DPP6: variants seen among roughly 807,000 people sequenced by gnomAD.
DPP6 encodes dipeptidyl peptidase like 6, also known as A-type potassium channel modulatory protein DPP6.
In DPP6, 69 loss-of-function variants were observed where a neutral mutation model predicts 122.6. That is an observed-to-expected ratio of 0.56 (90% CI 0.46 to 0.69). The LOEUF (loss-of-function observed/expected upper bound fraction) is 0.69. Ranked by LOEUF, DPP6 falls within the 30% of genes least tolerant of loss-of-function variation. DPP6 has a pLI of 0.00. For missense variants in DPP6, 928 were observed against 1,116.9 expected, an observed-to-expected ratio of 0.83 and a Z score of 2.41; for synonymous variants, 418 against 433.1, an observed-to-expected ratio of 0.97 and a Z score of 0.43.
intron 5 of DPP6, among the ~76,000 whole-genome samples, chr7:154,602,957 T>C (rs1386626742): frequency 9.5e-6 from 1 of 105,402 alleles, no homozygotes; most frequent in African/African-American, 2.8e-5. Context: ...CAACTTTTGT[T>C]TATCTGAAGA....
At chr7:154,636,921 C>G (rs896929711) in intron 5 of DPP6, among the ~76,000 whole-genome samples, 12 of 152,244 alleles carry the variant, frequency 7.9e-5, no homozygotes, top group Admixed American at 2.0e-4. Flanking sequence ...AACATTTAGC[C>G]ACATAGGGCA....
intron 1 of DPP6, among the ~76,000 whole-genome samples, chr7:154,295,156 A>T (rs1805456149): frequency 1.3e-5 from 2 of 152,214 alleles, no homozygotes; most frequent in South Asian, 4.1e-4. Context: ...AAACATGAGC[A>T]TTTTAAAACA....
chr7:154,431,823 G>A (rs1211380844), intron 1 of DPP6, among the ~76,000 whole-genome samples: 17 of 152,196 alleles, frequency 1.1e-4, no homozygotes, highest in South Asian at 4.1e-4. Flanking sequence ...GAGAGCCACC[G>A]CACCCAGCCT....
At chr7:153,859,220 G>T in the DPP6 span, among the ~76,000 whole-genome samples, 1 of 152,134 alleles carries the variant, frequency 6.6e-6, no homozygotes, top group Admixed American at 6.5e-5. Context: ...GGCTGGATAA[G>T]ATGGAGAGGG....
At chr7:154,609,352 G>A (rs1357035655) in intron 5 of DPP6, among the ~76,000 whole-genome samples, 3 of 152,200 alleles carry the variant, frequency 2.0e-5, no homozygotes, top group African/African-American at 4.8e-5. Flanking sequence ...CATTTTCAGA[G>A]TATTTTCTAA....
chr7:154,485,949 C>G lies in DPP6; in HGVS notation c.457+10912C>G, dbSNP rs551396064. Among the ~76,000 whole-genome samples, 241 of 146,452 alleles carry G rather than the reference C, an allele frequency of 1.6e-3. 2 individuals are homozygous for G. The highest frequency in any genetic ancestry group is 5.8e-3 in the African/African-American group (230 of 39,884). ...CTAATGCTATCCCTCCCCCCTCCCC[C>G]CACCCCACAACAGTGCTGGAGAGGA... On this transcript the variant is annotated intron_variant, in intron 3 of 25. Coordinates refer to ENST00000377770, the MANE Select transcript of DPP6 (RefSeq NM_130797.4).
At chr7:154,240,571 T>C (rs1369127874) in intron 1 of DPP6, among the ~76,000 whole-genome samples, 6 of 152,224 alleles carry the variant, frequency 3.9e-5, no homozygotes, top group Non-Finnish European at 8.8e-5. Context: ...TGTAAAATCA[T>C]GAACATAGAG....
At chr7:154,063,549 G>T (rs1490748256) in intron 1 of DPP6, among the ~76,000 whole-genome samples, 1 of 125,720 alleles carries the variant, frequency 8.0e-6, no homozygotes, top group African/African-American at 2.9e-5. Flanking sequence ...CGAGGGTGGG[G>T]ACTGAGAGCT....
In DPP6 at chr7:154,675,352, A is replaced by T. The variant is rs1196941880; in HGVS notation, c.762+5911A>T. Among the ~76,000 whole-genome samples, 3 of 152,284 alleles carry T rather than the reference A, an allele frequency of 2.0e-5. No homozygotes were observed. The South Asian group carries it at 6.2e-4, about 32-fold the overall frequency. On this transcript the variant is annotated intron_variant, in intron 7 of 25. Coordinates refer to ENST00000377770, the MANE Select transcript of DPP6 (RefSeq NM_130797.4). The stretch of plus-strand genomic sequence containing the variant: ...GAACATGTACCTTAGAACTTAAAGT[A>T]TAATAAAGAAAAAAAGAAAAAAAAT...
At chr7:154,765,067 A>G (rs1193513171) in intron 8 of DPP6, among the ~76,000 whole-genome samples, 3 of 152,058 alleles carry the variant, frequency 2.0e-5, no homozygotes, top group Non-Finnish European at 4.4e-5. Context: ...GGACAAACAA[A>G]CCACTTCCAA....
intron 16 of DPP6, among the ~76,000 whole-genome samples, chr7:154,842,964 G>C (rs1031925081): frequency 6.6e-6 from 1 of 152,232 alleles, no homozygotes; most frequent in Non-Finnish European, 1.5e-5. Flanking sequence ...ACCAGGCAGA[G>C]AGAATCCTAG....
intron 1 of DPP6, among the ~76,000 whole-genome samples, chr7:153,922,297 C>G (rs1167556616): frequency 1.3e-5 from 2 of 152,156 alleles, no homozygotes; most frequent in Non-Finnish European, 2.9e-5. Flanking sequence ...GTCCAGGAGT[C>G]TGAGACCAGG....
the DPP6 span, among the ~76,000 whole-genome samples, chr7:153,822,940 C>T: frequency 1.6e-4 from 25 of 152,170 alleles, no homozygotes; most frequent in Non-Finnish European, 3.1e-4. Context: ...CTTAACAGTA[C>T]TGAGTTAAAA....
chr7:154,112,254 C>A, intron 1 of DPP6, among the ~76,000 whole-genome samples: 1 of 151,896 alleles, frequency 6.6e-6, no homozygotes, highest in Non-Finnish European at 1.5e-5. Context: ...AAAGAGAGAT[C>A]AGATATCTAC....
At chr7:154,860,995 A>ATGT (rs1369297800) in intron 17 of DPP6, among the ~76,000 whole-genome samples, 2 of 152,220 alleles carry the variant, frequency 1.3e-5, no homozygotes. Flanking sequence ...AGGAAAGTAA[A>ATGT]TGTTAAAAGA....
rs541264557 is a variant in DPP6, at chr7:154,356,719, G to A, written c.244-89495G>A. On this transcript the variant is annotated intron_variant, in intron 1 of 25. Transcript: ENST00000377770. ...ACTTTTAAAACAAAATAATAATTCC[G>A]GAAGTAGATATACACATTTTCCTGC... Among the ~76,000 whole-genome samples the A allele has an allele frequency of 1.2e-4, 18 of 152,068 alleles. No individual in the cohort carries two copies. The South Asian group carries it at 1.2e-3, about 11-fold the overall frequency.
intron 3 of DPP6, among the ~76,000 whole-genome samples, chr7:154,509,360 C>A (rs1040360509): frequency 2.6e-5 from 4 of 152,052 alleles, no homozygotes; most frequent in Non-Finnish European, 5.9e-5. Flanking sequence ...TTACAAATAG[C>A]AATATGTACA....
intron 1 of DPP6, among the ~76,000 whole-genome samples, chr7:153,936,116 C>CTAA (rs1371750067): frequency 6.6e-6 from 1 of 152,186 alleles, no homozygotes; most frequent in African/African-American, 2.4e-5. Context: ...CATCTGCGCT[C>CTAA]TAATACTCCC....
intron 1 of DPP6, among the ~76,000 whole-genome samples, chr7:154,414,067 C>T (rs1816826360): frequency 6.6e-6 from 1 of 152,174 alleles, no homozygotes; most frequent in Non-Finnish European, 1.5e-5. Flanking sequence ...GATATCTCCA[C>T]TTGACATCTT....
Sources: gnomAD v4.1 joint callset for allele counts (sites outside exome capture counted in the v4.1 genomes callset) on GRCh38, gnomAD v4.1.1 for gene constraint, MANE v1.5 for transcripts, NCBI Gene and HGNC (gene_info 2026-07-23, HGNC 2026-07-21) for gene names.